Variants in HECTD4 observed in about 807,000 individuals in gnomAD.
HECTD4 encodes the protein HECT domain E3 ubiquitin protein ligase 4, also known as probable E3 ubiquitin-protein ligase HECTD4.
HECTD4 carries 114 observed loss-of-function variants against 471.5 expected under a neutral mutation model. The ratio of observed to expected loss-of-function variants is 0.24; its 90% CI spans 0.21 to 0.28. The LOEUF (loss-of-function observed/expected upper bound fraction) is 0.28, where lower values mean the gene tolerates loss of function less well. HECTD4 is among the 10% of genes least tolerant of loss of function. The pLI is 1.00. For synonymous variants in HECTD4, 2,012 were observed against 2,256.0 expected (o/e 0.89, Z 3.07); for missense variants, 3,866 against 5,651.5 (o/e 0.68, Z 10.13).
intron 8 of HECTD4, among the ~76,000 whole-genome samples, chr12:112,279,608 G>A (rs1322732215): frequency 6.6e-6 from 1 of 152,184 alleles, no homozygotes. Flanking sequence ...TATATGGTCT[G>A]AACATTTCTT....
intron 4 of HECTD4, among the ~76,000 whole-genome samples, chr12:112,311,432 C>T (rs1054028231): frequency 2.3e-4 from 28 of 119,676 alleles, no homozygotes; most frequent in South Asian, 1.8e-3. Context: ...AGATCCCCGT[C>T]TCTACATAAA....
Position 112,318,246 on chromosome 12 carries a change from CAG to C in HECTD4, c.695+977_695+978del, listed in dbSNP as rs773081445. On this transcript the variant is annotated intron_variant, in intron 2 of 75. Transcript: ENST00000682272. ...TGCCACTGCACTCCAGCCTGGGTGA[CAG>C]AGTGAGACTCTGTCTCAAAAAAAAG... Among the ~76,000 whole-genome samples, 268 of 151,610 alleles carry C rather than the reference CAG, an allele frequency of 1.8e-3. 3 individuals carry two copies. Among genetic ancestry groups the C allele is most frequent in the Non-Finnish European group, 1.6e-3 (107 of 67,924 alleles).
rs375653881 is a variant in HECTD4, at chr12:112,212,552, G to A, written c.7564C>T (p.Arg2522Cys). Residue 2522 changes from arginine (R) to cysteine (C), a missense_variant, in exon 49 of 76, where the codon CGC becomes TGC. Arg to Cys is a radical substitution (Grantham distance 180). Around this residue, in one of 16 missense-constraint regions of HECTD4, gnomAD observed 617 missense variants for 915.1 expected, o/e 0.67. Coordinates refer to ENST00000682272, the MANE Select transcript of HECTD4 (RefSeq NM_001388303.1). ...ACGTCTTCAAGATATGGTGAGAGGC[G>A]CTGCCCGCAGTATGTGAAGTACACC... ...GRVYFTYCGQ[R>C]LSPYLEDVSG... The A allele has an allele frequency of 2.2e-4, 347 of 1,613,560 alleles. No homozygotes were observed. The highest frequency in any genetic ancestry group is 2.5e-4 in the Admixed American group (15 of 59,990).
At chr12:112,344,307 CA>C (rs2135729476) in intron 1 of HECTD4, among the ~76,000 whole-genome samples, 1 of 152,200 alleles carries the variant, frequency 6.6e-6, no homozygotes, top group South Asian at 2.1e-4. Flanking sequence ...CCTGTTTTAG[CA>C]AAACACTAAA....
chr12:112,269,553 C>T (rs966725179), intron 13 of HECTD4, 151 bp downstream of exon 13: 2 of 787,724 alleles, frequency 2.5e-6, no homozygotes. Flanking sequence ...GGGCCACAAA[C>T]CCCTCTCCAG....
intron 52 of HECTD4, among the ~76,000 whole-genome samples, chr12:112,207,577 T>C (rs569401256): frequency 6.6e-5 from 10 of 152,316 alleles, no homozygotes; most frequent in South Asian, 2.1e-4. Context: ...ACACAGCTGG[T>C]AAACAGTATG....
chr12:112,169,391 G>A, intron 70 of HECTD4, 112 bp downstream of exon 70: 2 of 1,212,930 alleles, frequency 1.6e-6, no homozygotes, highest in East Asian at 5.1e-5. Context: ...TGCAGCACAA[G>A]TGCTGAGGAT....
chr12:112,216,814 A>C lies in HECTD4; in HGVS notation c.7344T>G (p.Asp2448Glu). Residue 2448 changes from aspartate to glutamate, a missense_variant, in exon 47 of 76, where the codon GAT (aspartate) becomes GAG (glutamate). Asp to Glu is a conservative substitution (Grantham distance 45). Coordinates refer to ENST00000682272, the MANE Select transcript of HECTD4 (RefSeq NM_001388303.1). ...FGFTTEAEKR[D>E]GAWTNPVGTC... The stretch of plus-strand genomic sequence containing the variant: ...TGCCCACTGGATTAGTCCAAGCCCC[A>C]TCTCGCTTCTCTGCTTCTGTAGTGA... 6.2e-7 allele frequency: 1 copy of C among 1,613,976 alleles called. No individual in the cohort carries two copies. Among genetic ancestry groups the C allele is most frequent in the South Asian group, 1.1e-5 (1 of 91,084 alleles).
chr12:112,300,586 T>C (rs987619887), intron 7 of HECTD4, among the ~76,000 whole-genome samples: 1 of 152,118 alleles, frequency 6.6e-6, no homozygotes, highest in African/African-American at 2.4e-5. Flanking sequence ...CAGTCTGAAG[T>C]CTTTCCTGTA....
intron 1 of HECTD4, among the ~76,000 whole-genome samples, chr12:112,346,954 T>C (rs560440304): frequency 1.3e-5 from 2 of 152,260 alleles, no homozygotes; most frequent in South Asian, 4.1e-4. Flanking sequence ...CCAAGGCAAA[T>C]TGGAGAATTC....
chr12:112,185,551 C>A (rs182786914), intron 60 of HECTD4, 58 bp from the exon 61 acceptor site: 8 of 1,351,692 alleles, frequency 5.9e-6, no homozygotes, highest in South Asian at 1.4e-5. Flanking sequence ...ATGTTCCAGG[C>A]GCAGTTCTGA....
chr12:112,200,494 G>T, intron 55 of HECTD4, 144 bp downstream of exon 55: 1 of 836,412 alleles, frequency 1.2e-6, no homozygotes. Flanking sequence ...CTGCAATTTT[G>T]CTGTTATCTT....
chr12:112,163,440 G>C lies in HECTD4; in HGVS notation c.12897+102C>G, dbSNP rs2030783910. 1 of 1,135,844 alleles carries C rather than the reference G, an allele frequency of 8.8e-7. No homozygotes were observed. 70.4% of individuals were successfully genotyped at this position (1,135,844 alleles called of 1,614,324 possible). Reference sequence around the variant, plus strand: ...ACAGGTCTGTGGCAAGGACAGAGCTGAGACAGGCCACTGCCGATGCCTGCT... The same window carrying C: ...ACAGGTCTGTGGCAAGGACAGAGCTCAGACAGGCCACTGCCGATGCCTGCT... On this transcript the variant is annotated intron_variant, in intron 74 of 75. Coordinates refer to ENST00000682272, the MANE Select transcript of HECTD4 (RefSeq NM_001388303.1). This position sits in a 1 kb window ranked among gnomAD's most constrained non-coding sequence, Gnocchi z 8.2.
chr12:112,332,738 A>G (rs1436956694), intron 1 of HECTD4, among the ~76,000 whole-genome samples: 1 of 151,824 alleles, frequency 6.6e-6, no homozygotes, highest in Non-Finnish European at 1.5e-5. Flanking sequence ...TCCACCTAAA[A>G]TATAATTCAA....
chr12:112,215,496 T>G (rs910710233), intron 48 of HECTD4, among the ~76,000 whole-genome samples: 8 of 152,162 alleles, frequency 5.3e-5, no homozygotes. Flanking sequence ...ACTATACAGA[T>G]CTAGTTATTT....
At chr12:112,300,569 C>T (rs954445230) in intron 7 of HECTD4, among the ~76,000 whole-genome samples, 2 of 152,152 alleles carry the variant, frequency 1.3e-5, no homozygotes, top group Admixed American at 6.6e-5. Context: ...CAGATACCAA[C>T]GTCCTTCAGT....
At chr12:112,379,118 G>A (rs2036841552) in intron 1 of HECTD4, among the ~76,000 whole-genome samples, 1 of 151,664 alleles carries the variant, frequency 6.6e-6, no homozygotes, top group African/African-American at 2.4e-5. Flanking sequence ...AAAGAAAATA[G>A]AGATTCTTCC....
intron 49 of HECTD4, among the ~76,000 whole-genome samples, chr12:112,212,031 T>C (rs182850576): frequency 4.0e-4 from 61 of 152,330 alleles, no homozygotes; most frequent in African/African-American, 1.4e-3. Flanking sequence ...TATTAATAGA[T>C]GCCCCTTAAG....
chr12:112,273,846 T>A (rs954421427), intron 10 of HECTD4, 51 bp from the exon 11 acceptor site: 1 of 1,592,664 alleles, frequency 6.3e-7, no homozygotes. Context: ...GCTACCTGTA[T>A]ACATATTTCT....
Sources: gnomAD v4.1 joint callset for allele counts (sites outside exome capture counted in the v4.1 genomes callset) on GRCh38, gnomAD v4.1.1 for gene constraint, gnomAD v4.1.1 regional missense constraint, Gnocchi (gnomAD v3.1) non-coding constraint, MANE v1.5 for transcripts, NCBI Gene and HGNC (gene_info 2026-07-23, HGNC 2026-07-21) for gene names.